Variants in PIP5K1B observed in about 807,000 individuals in gnomAD.
The protein encoded by PIP5K1B is phosphatidylinositol 4-phosphate 5-kinase type-1 beta.
PIP5K1B carries 42 observed loss-of-function variants against 67.0 expected under a neutral mutation model. The observed-to-expected ratio is 0.63, with a 90% CI of 0.49 to 0.81. The LOEUF (loss-of-function observed/expected upper bound fraction) is 0.81, where lower values mean the gene tolerates loss of function less well. Among genes scored for constraint, PIP5K1B ranks in the 30% least tolerant of loss-of-function variants. The pLI is 0.00. For missense variants in PIP5K1B, 459 were observed against 646.3 expected, an observed-to-expected ratio of 0.71 and a Z score of 3.14; for synonymous variants, 214 against 231.4, an observed-to-expected ratio of 0.92 and a Z score of 0.68.
chr9:68,993,908 T>C (rs1830489393), intron 15 of PIP5K1B, among the ~76,000 whole-genome samples: 1 of 152,090 alleles, frequency 6.6e-6, no homozygotes, highest in Non-Finnish European at 1.5e-5. Context: ...TGACCATAAA[T>C]ATAAGTCTCA....
At chr9:68,890,897 T>G (rs1824748280) in intron 7 of PIP5K1B, among the ~76,000 whole-genome samples, 1 of 152,212 alleles carries the variant, frequency 6.6e-6, no homozygotes. Context: ...GATATACTTG[T>G]CCTCTTGTAA....
Position 68,955,843 on chromosome 9 carries a change from G to A in PIP5K1B, c.1502+15053G>A, listed in dbSNP as rs530789051. Among the ~76,000 whole-genome samples the A allele has an allele frequency of 1.4e-4, 21 of 152,174 alleles. No homozygotes were observed. The South Asian group carries it at 4.1e-3, about 30-fold the overall frequency. On this transcript the variant is annotated intron_variant, in intron 14 of 15. Transcript: ENST00000265382. ...TCATGCACATTCTTTTTACATTTTT[G>A]TTTATAATAATCCTAAGAACTATGT...
chr9:68,780,308 G>A, intron 2 of PIP5K1B: 2 of 1,600,510 alleles, frequency 1.2e-6, no homozygotes, highest in Non-Finnish European at 1.7e-6. Flanking sequence ...GTGACACTTC[G>A]CCGGTGTTCC....
At chr9:68,808,777 A>G (rs1328003632) in intron 2 of PIP5K1B, among the ~76,000 whole-genome samples, 2 of 152,272 alleles carry the variant, frequency 1.3e-5, no homozygotes, top group Non-Finnish European at 2.9e-5. Flanking sequence ...ATGAGAGAAT[A>G]TAAGAGCCCT....
intron 2 of PIP5K1B, among the ~76,000 whole-genome samples, chr9:68,744,040 C>G (rs1020729857): frequency 6.6e-6 from 1 of 152,154 alleles, no homozygotes; most frequent in African/African-American, 2.4e-5. Flanking sequence ...CTTCCTGAAA[C>G]ACATTTGTCT....
chr9:68,799,745 G>A (rs771411137), intron 2 of PIP5K1B, among the ~76,000 whole-genome samples: 72 of 152,150 alleles, frequency 4.7e-4, no homozygotes, highest in Admixed American at 2.8e-3. Flanking sequence ...CAAGATGGAT[G>A]AATGACTTAA....
intron 2 of PIP5K1B, among the ~76,000 whole-genome samples, chr9:68,808,322 T>C (rs1832979355): frequency 6.6e-6 from 1 of 152,202 alleles, no homozygotes. Context: ...AAAGTAACAG[T>C]GTTAGTTAAA....
chr9:68,768,892 A>G (rs570345003), intron 2 of PIP5K1B, among the ~76,000 whole-genome samples: 1 of 152,302 alleles, frequency 6.6e-6, no homozygotes, highest in Middle Eastern at 3.4e-3. Context: ...AGGCATTTCA[A>G]TAGAAACCCC....
chr9:68,894,279 G>A, intron 7 of PIP5K1B, 60 bp from the exon 8 acceptor site: 1 of 1,014,880 alleles, frequency 9.9e-7, no homozygotes, highest in Non-Finnish European at 1.5e-6. Context: ...CATCTTTAGT[G>A]GAGCATTATT....
intron 1 of PIP5K1B, among the ~76,000 whole-genome samples, chr9:68,708,544 C>CCCCCA (rs1554702640): frequency 6.8e-6 from 1 of 146,662 alleles, no homozygotes; most frequent in Non-Finnish European, 1.5e-5. Flanking sequence ...GTTTGCCGCC[C>CCCCCA]CCCCGCCCCT....
At chr9:68,846,255 TG>T (rs1295955830) in intron 4 of PIP5K1B, among the ~76,000 whole-genome samples, 1 of 152,246 alleles carries the variant, frequency 6.6e-6, no homozygotes, top group African/African-American at 2.4e-5. Context: ...CAGATTGTTT[TG>T]TTTAAAATTC....
At chr9:68,765,542 T>C (rs1830386616) in intron 2 of PIP5K1B, among the ~76,000 whole-genome samples, 2 of 152,082 alleles carry the variant, frequency 1.3e-5, no homozygotes, top group Non-Finnish European at 1.5e-5. Flanking sequence ...GGCATGCATT[T>C]TTTTCTTTTA....
intron 14 of PIP5K1B, among the ~76,000 whole-genome samples, chr9:68,947,164 G>A (rs954320437): frequency 2.0e-5 from 3 of 152,190 alleles, no homozygotes; most frequent in African/African-American, 7.2e-5. Flanking sequence ...GAATTTCAAA[G>A]GGAATTGGTT....
chr9:68,872,185 C>T (rs1293817988), intron 5 of PIP5K1B, among the ~76,000 whole-genome samples: 1 of 149,956 alleles, frequency 6.7e-6, no homozygotes, highest in Non-Finnish European at 1.5e-5. Context: ...CTGTGCTGAA[C>T]GCCTGTGGGC....
intron 14 of PIP5K1B, among the ~76,000 whole-genome samples, chr9:68,951,186 A>T (rs1481100928): frequency 6.6e-6 from 1 of 152,188 alleles, no homozygotes; most frequent in African/African-American, 2.4e-5. Context: ...GGAGCTCATT[A>T]TTTTTCCAGC....
At chr9:68,824,358 A>G (rs1833879860) in intron 4 of PIP5K1B, 1 of 459,736 alleles carries the variant, frequency 2.2e-6, no homozygotes, top group African/African-American at 2.0e-5. Flanking sequence ...CTGCCCAAGA[A>G]TTTATTTAGT....
chr9:68,743,520 G>C (rs191078195), intron 2 of PIP5K1B, among the ~76,000 whole-genome samples: 1 of 152,292 alleles, frequency 6.6e-6, no homozygotes, highest in Admixed American at 6.5e-5. Context: ...TTTAATGTCA[G>C]TTTTGAATGA....
At chr9:68,817,121 A>G (rs893039478) in intron 2 of PIP5K1B, among the ~76,000 whole-genome samples, 1 of 152,262 alleles carries the variant, frequency 6.6e-6, no homozygotes, top group Non-Finnish European at 1.5e-5. Context: ...GGAATTGTAA[A>G]TCACCAATAA....
intron 13 of PIP5K1B, among the ~76,000 whole-genome samples, chr9:68,935,551 T>G (rs967786890): frequency 1.3e-5 from 2 of 152,216 alleles, no homozygotes; most frequent in South Asian, 4.1e-4. Flanking sequence ...ATACAATTTA[T>G]GGTTTACGAT....
Sources: allele counts gnomAD v4.1 joint callset (sites outside exome capture counted in the v4.1 genomes callset), GRCh38; gene constraint gnomAD v4.1.1; transcripts MANE v1.5; gene names NCBI Gene and HGNC (gene_info 2026-07-23, HGNC 2026-07-21).